Variants in GYPB observed in about 807,000 individuals in gnomAD.
GYPB encodes the protein glycophorin B (MNS blood group), also known as glycophorin-B.
In GYPB, 13 loss-of-function variants were observed where a neutral mutation model predicts 15.3. The ratio of observed to expected loss-of-function variants is 0.85; its 90% confidence interval spans 0.55 to 1.35. The LOEUF (loss-of-function observed/expected upper bound fraction) is 1.35, where lower values mean the gene tolerates loss of function less well. GYPB is among the 40% of genes most tolerant of loss of function. GYPB has a pLI of 0.00. For synonymous variants in GYPB, 38 were observed against 36.9 expected, an observed-to-expected ratio of 1.03 and a Z score of -0.11; for missense variants, 131 against 108.3, an observed-to-expected ratio of 1.21 and a Z score of -0.93.
intron 1 of GYPB, among the ~76,000 whole-genome samples, chr4:144,013,245 C>T (rs1262268592): frequency 1.3e-5 from 2 of 150,972 alleles, no homozygotes; most frequent in Non-Finnish European, 2.9e-5. Flanking sequence ...GTTAGAATGG[C>T]AATCATTAAA....
At chr4:143,997,706 A>G in intron 3 of GYPB, 72 bp from the exon 4 acceptor site, 1 of 800,384 alleles carries the variant, frequency 1.2e-6, no homozygotes, top group Non-Finnish European at 2.2e-6. Flanking sequence ...AAGACAGATA[A>G]CATCAGCATA....
At chr4:143,996,677 C>T (rs555249251) in intron 4 of GYPB, among the ~76,000 whole-genome samples, 3 of 150,356 alleles carry the variant, frequency 2.0e-5, no homozygotes, top group Non-Finnish European at 4.4e-5. Context: ...GGCTGAAGCA[C>T]GAGAATCACT....
chr4:144,004,812 A>C (rs745863021), intron 1 of GYPB, among the ~76,000 whole-genome samples: 1 of 151,882 alleles, frequency 6.6e-6, no homozygotes, highest in East Asian at 1.9e-4. Flanking sequence ...GCTAATAGAC[A>C]TCTGTGGACA....
At chr4:143,999,232 A>G in intron 3 of GYPB, 179 bp downstream of exon 3, 1 of 531,476 alleles carries the variant, frequency 1.9e-6, no homozygotes, top group Non-Finnish European at 3.4e-6. Context: ...TAAAAATAAG[A>G]AATGCCTATT....
At chr4:144,002,631 G>A (rs1371953879) in intron 1 of GYPB, 2 of 1,286,694 alleles carry the variant, frequency 1.6e-6, no homozygotes, top group South Asian at 1.2e-5. Flanking sequence ...CAGTGGAGTG[G>A]AGGTGGAAGG....
chr4:144,003,966 T>C (rs1727747275), intron 1 of GYPB, among the ~76,000 whole-genome samples: 1 of 151,538 alleles, frequency 6.6e-6, no homozygotes, highest in African/African-American at 2.5e-5. Context: ...TGGGAATTTC[T>C]AACATTGAAG....
At chr4:144,016,137 C>G (rs1255832203) in intron 1 of GYPB, among the ~76,000 whole-genome samples, 1 of 83,676 alleles carries the variant, frequency 1.2e-5, no homozygotes. Flanking sequence ...TTCTTGGATC[C>G]CTGAAAAAAA....
chr4:144,007,999 G>C (rs1387780436), intron 1 of GYPB, among the ~76,000 whole-genome samples: 1 of 151,378 alleles, frequency 6.6e-6, no homozygotes, highest in Non-Finnish European at 1.5e-5. Flanking sequence ...GTATGTCTAA[G>C]ATAATAATAT....
chr4:144,015,975 A>G (rs1479188650), intron 1 of GYPB, among the ~76,000 whole-genome samples: 6 of 151,022 alleles, frequency 4.0e-5, no homozygotes, highest in Non-Finnish European at 8.8e-5. Flanking sequence ...AGTAGTTGAT[A>G]TTGACTGCCT....
intron 2 of GYPB, among the ~76,000 whole-genome samples, chr4:143,999,798 G>A (rs920505272): frequency 6.6e-6 from 1 of 151,414 alleles, no homozygotes; most frequent in Non-Finnish European, 1.5e-5. Flanking sequence ...TGAGAAGAAA[G>A]GAGGCATATG....
chr4:144,012,094 T>C (rs534228987), intron 1 of GYPB, among the ~76,000 whole-genome samples: 53 of 152,034 alleles, frequency 3.5e-4, no homozygotes, highest in Non-Finnish European at 6.8e-4. Flanking sequence ...AGCAAAAGGC[T>C]AACATAACAG....
intron 1 of GYPB, among the ~76,000 whole-genome samples, chr4:144,003,053 A>T (rs1727708309): frequency 6.6e-6 from 1 of 151,660 alleles, no homozygotes; most frequent in South Asian, 2.1e-4. Flanking sequence ...GCTTTTAAAC[A>T]ATAATCTGGT....
intron 1 of GYPB, among the ~76,000 whole-genome samples, chr4:144,002,972 A>G (rs1023270920): frequency 6.6e-5 from 10 of 151,328 alleles, no homozygotes; most frequent in Non-Finnish European, 1.5e-4. Flanking sequence ...AGCATGCAAA[A>G]CAATTACTGA....
intron 1 of GYPB, among the ~76,000 whole-genome samples, chr4:144,014,127 T>C (rs1282895723): frequency 6.6e-6 from 1 of 151,774 alleles, no homozygotes; most frequent in Non-Finnish European, 1.5e-5. Flanking sequence ...TGTGGAGAAA[T>C]TGGCACCTCA....
chr4:144,017,026 T>C (rs1322523936), intron 1 of GYPB: 4 of 352,782 alleles, frequency 1.1e-5, no homozygotes, highest in Non-Finnish European at 2.2e-5. Context: ...TTTTATCTTA[T>C]TTTAATAAGA....
chr4:144,012,386 A>C (rs542947870), intron 1 of GYPB: 1 of 151,640 alleles, frequency 6.6e-6, no homozygotes, highest in East Asian at 1.9e-4. Context: ...TTGTTCCATC[A>C]TTATACATGG....
chr4:143,996,291 C>T lies in GYPB; in HGVS notation c.*8G>A, dbSNP rs373436973. 3 of 1,550,786 alleles carry T rather than the reference C, an allele frequency of 1.9e-6. No individual in the cohort carries two copies. Among genetic ancestry groups the T allele is most frequent in the East Asian group, 2.4e-5 (1 of 40,922 alleles). ...TAGGCAAGATCAGGCAGCATGCAGG[C>T]CACATCCTCATGCCTGTGATAAAAA... On this transcript the variant is annotated 3_prime_UTR_variant, in exon 5 of 5. Transcript: ENST00000502664.
chr4:144,016,909 T>C (rs1728530029), intron 1 of GYPB: 2 of 347,312 alleles, frequency 5.8e-6, no homozygotes, highest in Non-Finnish European at 1.1e-5. Context: ...AGCATAAATG[T>C]CATCTACTCA....
In GYPB at chr4:143,996,204, G is replaced by A. The variant is rs1462126561; in HGVS notation, c.*95C>T. On this transcript the variant is annotated 3_prime_UTR_variant, in exon 5 of 5. Transcript: ENST00000502664. ...AGGATAGCCAGGGGTAGGGGCATAA[G>A]CAAAGGAATAGCAGGTGCAGCCAGT... is the stretch of plus-strand genomic sequence containing the variant. 1.9e-5 allele frequency: 30 copies of A among 1,548,270 alleles called. No homozygotes were observed. Among genetic ancestry groups the A allele is most frequent in the Non-Finnish European group, 2.4e-5 (28 of 1,145,836 alleles).
Sources: allele counts gnomAD v4.1 joint callset (sites outside exome capture counted in the v4.1 genomes callset), GRCh38; gene constraint gnomAD v4.1.1; transcripts MANE v1.5; gene names NCBI Gene and HGNC (gene_info 2026-07-23, HGNC 2026-07-21).